Variants in GPX4 observed in about 807,000 individuals in gnomAD.
GPX4 encodes the protein glutathione peroxidase 4, also known as phospholipid hydroperoxide glutathione peroxidase GPX4.
GPX4 carries 28 observed loss-of-function variants against 27.8 expected under a neutral mutation model. The ratio of observed to expected loss-of-function variants is 1.01; its 90% CI spans 0.75 to 1.38. GPX4 has a LOEUF of 1.38. Ranked by LOEUF, GPX4 falls within the 40% of genes most tolerant of loss-of-function variation. The pLI is 0.00. For synonymous variants in GPX4, 163 were observed against 107.8 expected (o/e 1.51, Z -3.17); for missense variants, 357 against 274.1 (o/e 1.30, Z -2.14).
rs8178967 is a variant in GPX4, at chr19:1,104,048, G to T, written c.5G>T (p.Ser2Ile). The change falls in exon 1 of 7, where the codon AGC (serine) becomes ATC (isoleucine). Residue 2 changes from serine to isoleucine, a missense_variant. Ser to Ile is a moderately radical substitution (Grantham distance 142). Coordinates refer to ENST00000354171, the MANE Select transcript of GPX4 (RefSeq NM_002085.5). MSLGRLCRLLKP... is the reference protein window; with the variant it reads MILGRLCRLLKP... ...CTGGCTCCCAGCCCCGCCGCGATGAGCCTCGGCCGCCTTTGCCGCCTACTG... is the reference window on the plus strand; with the variant it reads ...CTGGCTCCCAGCCCCGCCGCGATGATCCTCGGCCGCCTTTGCCGCCTACTG... The T allele has an allele frequency of 2.6e-6, 4 of 1,519,808 alleles. No individual in the cohort carries two copies. The highest frequency in any genetic ancestry group is 2.0e-5 in the Admixed American group (1 of 50,094). 94.1% of individuals were successfully genotyped at this position (1,519,808 alleles called of 1,614,324 possible).
In GPX4 at chr19:1,106,406, A is replaced by G. The variant is rs533822834; in HGVS notation, c.508A>G (p.Ile170Val). ...GGACACCGTCTCTCCACAGTTCCTC[A>G]TCGACAAGAACGGCTGCGTGGTGAA... ...AIKWNFTKFL[I>V]DKNGCVVKRY... The change falls in exon 6 of 7, where the codon ATC (isoleucine) becomes GTC (valine). Residue 170 changes from isoleucine (I) to valine (V), a missense_variant. By Grantham distance (29) the Ile-to-Val change is conservative. Coordinates refer to ENST00000354171, the MANE Select transcript of GPX4 (RefSeq NM_002085.5). 6 of 1,613,406 alleles carry G rather than the reference A, an allele frequency of 3.7e-6. No homozygotes were observed. The highest frequency in any genetic ancestry group is 5.1e-6 in the Non-Finnish European group (6 of 1,179,846).
chr19:1,105,350 C>A lies in GPX4; in HGVS notation c.180-16C>A, dbSNP rs2079635227. ...GGGGCCGTGTTCTTCTGCGCTGACGCCGCCGATCCTCGCAGGGGCTTCGTG... is the reference window on the plus strand; with the variant it reads ...GGGGCCGTGTTCTTCTGCGCTGACGACGCCGATCCTCGCAGGGGCTTCGTG... On this transcript the variant is annotated splice_polypyrimidine_tract_variant and intron_variant, in intron 2 of 6. Transcript: ENST00000354171. 1 of 1,611,450 alleles carries A rather than the reference C, an allele frequency of 6.2e-7. No homozygotes were observed. The highest frequency in any genetic ancestry group is 8.5e-7 in the Non-Finnish European group (1 of 1,178,970).
intron 3 of GPX4, 67 bp from the exon 4 acceptor site, chr19:1,105,591 G>A (rs1165007724): frequency 3.1e-6 from 5 of 1,601,206 alleles, no homozygotes; most frequent in African/African-American, 1.3e-5. Flanking sequence ...GGGCCTGGGA[G>A]TGTGCAGGGG....
intron 5 of GPX4, 56 bp downstream of exon 5, chr19:1,106,322 A>T: frequency 6.2e-7 from 1 of 1,606,926 alleles, no homozygotes; most frequent in Non-Finnish European, 8.5e-7. Flanking sequence ...GCCGTGGCCC[A>T]GATGGGCAGC....
chr19:1,105,943 G>A lies in GPX4; in HGVS notation c.476+134G>A, dbSNP rs557453519. ...GGGGAGGTGCTGGGACTCTCACATC[G>A]CGTGGCCTCCTGGGGGTAAGATGGC... is the stretch of plus-strand genomic sequence containing the variant. On this transcript the variant is annotated intron_variant, in intron 4 of 6. Transcript: ENST00000354171. 9.9e-6 allele frequency: 11 copies of A among 1,111,118 alleles called. No homozygotes were observed. The East Asian group carries it at 1.6e-4, about 16-fold the overall frequency. 68.8% of individuals were successfully genotyped at this position (1,111,118 alleles called of 1,614,324 possible).
chr19:1,105,912 G>T (rs2079646666), intron 4 of GPX4, 103 bp downstream of exon 4: 3 of 1,364,486 alleles, frequency 2.2e-6, no homozygotes, highest in African/African-American at 2.9e-5. Context: ...CTCGGGGGGC[G>T]GTTGCGGGGA....
chr19:1,106,584 T>A lies in GPX4; in HGVS notation c.*12T>A. 6.2e-7 allele frequency: 1 copy of A among 1,613,288 alleles called. No individual in the cohort carries two copies. The highest frequency in any genetic ancestry group is 2.2e-5 in the East Asian group (1 of 44,866). ...CCCACTATTTCTAGCTCCACAAGTG[T>A]GTGGCCCCGCCCGAGCCCCTGCCCA... is the stretch of plus-strand genomic sequence containing the variant. On this transcript the variant is annotated 3_prime_UTR_variant, in exon 7 of 7. Transcript: ENST00000354171.
Position 1,105,347 on chromosome 19 carries a change from A to G in GPX4, c.180-19A>G. The G allele has an allele frequency of 1.2e-6, 2 of 1,611,328 alleles. No individual in the cohort carries two copies. Among genetic ancestry groups the G allele is most frequent in the South Asian group, 2.2e-5 (2 of 90,990 alleles). On this transcript the variant is annotated intron_variant, in intron 2 of 6. Transcript: ENST00000354171. ...GAGGGGGCCGTGTTCTTCTGCGCTGACGCCGCCGATCCTCGCAGGGGCTTC... is the reference window on the plus strand; with the variant it reads ...GAGGGGGCCGTGTTCTTCTGCGCTGGCGCCGCCGATCCTCGCAGGGGCTTC...
At chr19:1,105,623 G>A in intron 3 of GPX4, 35 bp from the exon 4 acceptor site, 4 of 1,561,104 alleles carry the variant, frequency 2.6e-6, no homozygotes, top group Non-Finnish European at 8.7e-7. Context: ...GGGGGTGCCA[G>A]CCCCCGACTC....
chr19:1,104,448 T>G, intron 1 of GPX4: 3 of 338,170 alleles, frequency 8.9e-6, no homozygotes, highest in Non-Finnish European at 9.7e-6. Flanking sequence ...GGGTCGGGGG[T>G]CCAGGCTTGC....
chr19:1,105,736 G>C lies in GPX4; in HGVS notation c.403G>C (p.Val135Leu). 3 of 1,604,676 alleles carry C rather than the reference G, an allele frequency of 1.9e-6. No individual in the cohort carries two copies. Among genetic ancestry groups the C allele is most frequent in the Non-Finnish European group, 2.6e-6 (3 of 1,175,772 alleles). The change falls in exon 4 of 7, where the codon GTG (valine) becomes CTG (leucine). Residue 135 changes from valine to leucine, a missense_variant. Val to Leu is a conservative substitution (Grantham distance 32). Coordinates refer to ENST00000354171, the MANE Select transcript of GPX4 (RefSeq NM_002085.5). ...ATTCGATATGTTCAGCAAGATCTGC[G>C]TGAACGGGGACGACGCCCACCCGCT... The part of the protein sequence containing the change: ...VKFDMFSKIC[V>L]NGDDAHPLWK...
chr19:1,106,179 A>G (rs1294922425), intron 4 of GPX4, 63 bp from the exon 5 acceptor site: 3 of 1,483,982 alleles, frequency 2.0e-6, no homozygotes, highest in Admixed American at 1.9e-5. Context: ...TCCTGGAGAC[A>G]GGACAGCTTG....
intron 1 of GPX4, chr19:1,104,652 T>A: frequency 1.0e-6 from 1 of 984,732 alleles, no homozygotes; most frequent in Non-Finnish European, 1.2e-6. Flanking sequence ...AGTCGCGCAG[T>A]CCTGACTACG....
rs1285937116 is a variant in GPX4 at position 1,105,423 on chromosome 19, C to T, written c.237C>T (p.Asn79=). Residue 79 remains asparagine, a synonymous_variant, in exon 3 of 7, where the codon AAC becomes AAT. Transcript: ENST00000354171. Reference sequence around the variant, plus strand: ...CCCAGTGAGGCAAGACCGAAGTAAACTACACTCAGCTCGTCGACCTGCACG... The same window carrying T: ...CCCAGTGAGGCAAGACCGAAGTAAATTACACTCAGCTCGTCGACCTGCACG... ...VASQUGKTEV[N]YTQLVDLHAR... is the part of the protein sequence containing the mutation. 6.2e-7 allele frequency: 1 copy of T among 1,612,312 alleles called. No individual in the cohort carries two copies. Among genetic ancestry groups the T allele is most frequent in the East Asian group, 2.2e-5 (1 of 44,864 alleles).
chr19:1,104,265 C>T, intron 1 of GPX4, 138 bp downstream of exon 1: 5 of 767,180 alleles, frequency 6.5e-6, no homozygotes, highest in South Asian at 2.6e-5. Context: ...CCCCTCCCCA[C>T]CCCCGGCCGG....
At position 1,104,275 on chromosome 19, in the gene GPX4, G is replaced by A. The variant is rs1048367129; in HGVS notation, c.84+148G>A. The A allele has an allele frequency of 1.8e-5, 13 of 704,680 alleles. No homozygotes were observed. The African/African-American group carries it at 2.5e-4, about 13-fold the overall frequency. 43.7% of individuals were successfully genotyped at this position (704,680 alleles called of 1,614,324 possible). A position where few individuals can be genotyped will look rare whatever the true frequency, so the allele number is the denominator to read the frequency against. Reference sequence around the variant, plus strand: ...GGCTCCCCCTCCCCACCCCCGGCCGGGCACGGACGCGGGTGACCGTACTGC... The same window carrying A: ...GGCTCCCCCTCCCCACCCCCGGCCGAGCACGGACGCGGGTGACCGTACTGC... On this transcript the variant is annotated intron_variant, in intron 1 of 6. Coordinates refer to ENST00000354171, the MANE Select transcript of GPX4 (RefSeq NM_002085.5).
chr19:1,105,148 C>G (rs1308849145), intron 1 of GPX4, 38 bp from the exon 2 acceptor site: 10 of 1,607,468 alleles, frequency 6.2e-6, no homozygotes, highest in Non-Finnish European at 7.7e-6. Flanking sequence ...GCTCAGCCTC[C>G]CGTCCACGCT....
In GPX4 at chr19:1,105,298, G is replaced by A. The variant is rs1433988278; in HGVS notation, c.179+18G>A. On this transcript the variant is annotated intron_variant, in intron 2 of 6. Transcript: ENST00000354171. ...AAGTACCGGTGGGCGCTCGCCTGGG[G>A]TGGGGCGCGGGGTCGGGCCCTGGGA... The A allele has an allele frequency of 1.2e-6, 2 of 1,612,840 alleles. No individual in the cohort carries two copies. Among genetic ancestry groups the A allele is most frequent in the Non-Finnish European group, 1.7e-6 (2 of 1,179,882 alleles).
At chr19:1,106,107 T>A (rs1398799070) in intron 4 of GPX4, 135 bp from the exon 5 acceptor site, 1 of 467,664 alleles carries the variant, frequency 2.1e-6, no homozygotes. Context: ...AAGATGGCTC[T>A]GGGGGGGCTT....
Sources: allele counts gnomAD v4.1 joint callset, GRCh38; gene constraint gnomAD v4.1.1; transcripts MANE v1.5; gene names NCBI Gene and HGNC (gene_info 2026-07-23, HGNC 2026-07-21).